The following BNC2 variants were observed in gnomAD, a reference collection of about 807,000 sequenced individuals.
BNC2 encodes the protein basonuclin zinc finger protein 2.
A neutral mutation model predicts 76.3 loss-of-function variants in BNC2; 20 were observed. That is an observed-to-expected ratio of 0.26 (90% CI 0.18 to 0.38). BNC2 has a LOEUF of 0.38. Ranked by LOEUF, BNC2 falls within the 10% of genes least tolerant of loss-of-function variation. The pLI, the probability that BNC2 is intolerant of heterozygous loss-of-function variation, is 1.00. For missense variants in BNC2, 1,382 were observed against 1,399.8 expected (o/e 0.99, Z 0.20); for synonymous variants, 582 against 514.8 (o/e 1.13, Z -1.77).
chr9:16,732,445 G>T (rs746841574), intron 2 of BNC2, among the ~76,000 whole-genome samples: 1 of 152,146 alleles, frequency 6.6e-6, no homozygotes, highest in Admixed American at 6.5e-5. Context: ...TACATTTACT[G>T]CACTGAGAAA....
intron 5 of BNC2, among the ~76,000 whole-genome samples, chr9:16,471,076 T>C (rs766154566): frequency 7.9e-5 from 12 of 152,274 alleles, no homozygotes; most frequent in Non-Finnish European, 1.2e-4. Context: ...CCCAAGACCA[T>C]GGGAACCCAC....
intron 5 of BNC2, among the ~76,000 whole-genome samples, chr9:16,457,012 G>C (rs895218752): frequency 1.7e-4 from 26 of 152,162 alleles, no homozygotes; most frequent in African/African-American, 1.2e-4. Context: ...GGTGGGGAGA[G>C]AGAGAGACAA....
At chr9:16,601,666 G>C (rs1395632988) in intron 3 of BNC2, among the ~76,000 whole-genome samples, 1 of 150,234 alleles carries the variant, frequency 6.7e-6, no homozygotes, top group African/African-American at 2.5e-5. Flanking sequence ...GCAGGGTCTG[G>C]GTACCTAAAT....
chr9:16,527,721 G>C (rs1028522375), intron 5 of BNC2, among the ~76,000 whole-genome samples: 14 of 152,168 alleles, frequency 9.2e-5, no homozygotes, highest in African/African-American at 3.4e-4. Flanking sequence ...TAAGCGAATA[G>C]TTAACAGCTG....
Position 16,777,126 on chromosome 9 carries a change from C to CA in BNC2, c.4-38642dup, listed in dbSNP as rs562875297. ...GGGCGACAGAGTGAGACTCCTGTCT[C>CA]AAAAAAAATAATTAATTAATAAATT... On this transcript the variant is annotated intron_variant, in intron 1 of 6. Coordinates refer to ENST00000380672, the MANE Select transcript of BNC2 (RefSeq NM_017637.6). 1.4e-3 allele frequency among the ~76,000 whole-genome samples: 210 copies of CA among 148,970 alleles called. 1 individual carries two copies. Among genetic ancestry groups the CA allele is most frequent in the African/African-American group, 5.1e-3 (207 of 40,512 alleles).
At chr9:16,785,095 T>C (rs1305105840) in intron 1 of BNC2, among the ~76,000 whole-genome samples, 2 of 152,224 alleles carry the variant, frequency 1.3e-5, no homozygotes, top group Non-Finnish European at 2.9e-5. Context: ...GGAAAGGGAA[T>C]GTGTTTGCAC....
chr9:16,604,752 G>A (rs1392880409), intron 3 of BNC2, among the ~76,000 whole-genome samples: 5 of 152,222 alleles, frequency 3.3e-5, no homozygotes, highest in African/African-American at 7.2e-5. Context: ...GCAGTGAGCC[G>A]AGATCGCGTC....
chr9:16,791,068 T>C (rs1440531140), intron 1 of BNC2, among the ~76,000 whole-genome samples: 1 of 152,090 alleles, frequency 6.6e-6, no homozygotes, highest in East Asian at 1.9e-4. Context: ...TATAGATTTT[T>C]TTTTTTCTTT....
At chr9:16,630,755 T>C (rs909080163) in intron 3 of BNC2, among the ~76,000 whole-genome samples, 1 of 151,258 alleles carries the variant, frequency 6.6e-6, no homozygotes, top group Non-Finnish European at 1.5e-5. Context: ...GTTTCTTTTT[T>C]TGAAACAGAG....
chr9:16,458,013 G>A (rs879261416), intron 5 of BNC2, among the ~76,000 whole-genome samples: 1 of 152,180 alleles, frequency 6.6e-6, no homozygotes, highest in Non-Finnish European at 1.5e-5. Context: ...GGGTGGGTAG[G>A]TGGGAGAAAG....
chr9:16,711,954 G>C (rs1488520230), intron 3 of BNC2, among the ~76,000 whole-genome samples: 2 of 152,194 alleles, frequency 1.3e-5, no homozygotes, highest in Non-Finnish European at 2.9e-5. Flanking sequence ...GGATAGAAGA[G>C]CATGTGGCAA....
intron 5 of BNC2, among the ~76,000 whole-genome samples, chr9:16,515,230 G>A (rs1822849976): frequency 1.3e-5 from 2 of 152,236 alleles, no homozygotes; most frequent in African/African-American, 4.8e-5. Flanking sequence ...AATAGTCTGT[G>A]GCTGTCAGTG....
intron 4 of BNC2, chr9:16,575,393 T>C (rs565860072): frequency 2.0e-6 from 2 of 985,324 alleles, no homozygotes; most frequent in Admixed American, 1.2e-4. Context: ...TTATGTTCCA[T>C]CTGAATAAAA....
At chr9:16,475,507 G>A (rs759964669) in intron 5 of BNC2, among the ~76,000 whole-genome samples, 4 of 152,182 alleles carry the variant, frequency 2.6e-5, no homozygotes, top group Non-Finnish European at 5.9e-5. Context: ...ACTCAGATTC[G>A]GTATTTGATC....
chr9:16,859,993 G>C (rs192383936), intron 1 of BNC2, among the ~76,000 whole-genome samples: 193 of 152,180 alleles, frequency 1.3e-3, no homozygotes, highest in African/African-American at 4.5e-3. Flanking sequence ...ATGGTGCCAT[G>C]TGCCTGTAAT....
At chr9:16,781,277 G>A (rs1445754157) in intron 1 of BNC2, among the ~76,000 whole-genome samples, 1 of 62,882 alleles carries the variant, frequency 1.6e-5, no homozygotes, top group African/African-American at 6.0e-5. Context: ...GGAGGCAGGT[G>A]GCAGACAATG....
intron 3 of BNC2, among the ~76,000 whole-genome samples, chr9:16,627,575 TA>T (rs1371820306): frequency 6.6e-6 from 1 of 152,114 alleles, no homozygotes; most frequent in East Asian, 1.9e-4. Flanking sequence ...CAAAATTACT[TA>T]AAAGACTAGT....
At chr9:16,716,600 G>A (rs1824003209) in intron 3 of BNC2, among the ~76,000 whole-genome samples, 1 of 152,064 alleles carries the variant, frequency 6.6e-6, no homozygotes, top group Non-Finnish European at 1.5e-5. Flanking sequence ...GGAAGCAACG[G>A]CCTTCTCATT....
At chr9:16,770,391 C>G (rs1322584177) in intron 1 of BNC2, among the ~76,000 whole-genome samples, 1 of 152,198 alleles carries the variant, frequency 6.6e-6, no homozygotes, top group Non-Finnish European at 1.5e-5. Flanking sequence ...AAATAATTCA[C>G]TGACAATCAG....
Sources: allele counts gnomAD v4.1 joint callset (sites outside exome capture counted in the v4.1 genomes callset), GRCh38; gene constraint gnomAD v4.1.1; transcripts MANE v1.5; gene names NCBI Gene and HGNC (gene_info 2026-07-23, HGNC 2026-07-21).